The following HDAC5 variants were observed in gnomAD, a reference collection of about 807,000 sequenced individuals.
HDAC5 encodes antigen NY-CO-9.
In HDAC5, 25 loss-of-function variants were observed where a neutral mutation model predicts 133.3. The observed-to-expected ratio is 0.19, with a 90% CI of 0.14 to 0.26. The LOEUF (loss-of-function observed/expected upper bound fraction) is 0.26, where lower values mean the gene tolerates loss of function less well. HDAC5 is among the 10% of genes least tolerant of loss of function. The pLI, the probability that HDAC5 is intolerant of heterozygous loss-of-function variation, is 1.00. For missense variants in HDAC5, 1,041 were observed against 1,460.5 expected (o/e 0.71, Z 4.68); for synonymous variants, 589 against 610.8 (o/e 0.96, Z 0.53).
chr17:44,095,667 G>A (rs1221093277), intron 3 of HDAC5, among the ~76,000 whole-genome samples: 7 of 152,086 alleles, frequency 4.6e-5, no homozygotes, highest in South Asian at 2.1e-4. Flanking sequence ...TGAAAATGCC[G>A]CTATATATAG....
chr17:44,080,233 G>A lies in HDAC5; in HGVS notation c.2826-8C>T. 5.0e-6 allele frequency: 8 copies of A among 1,611,086 alleles called. No homozygotes were observed. Among genetic ancestry groups the A allele is most frequent in the Non-Finnish European group, 6.8e-6 (8 of 1,177,284 alleles). ...ATGGGCATCACCACTGTCCTGCAAA[G>A]GGATGGCTCAAGCTGAGCCCGGCAG... On this transcript the variant is annotated splice_polypyrimidine_tract_variant and splice_region_variant and intron_variant, in intron 22 of 26. Coordinates refer to ENST00000682912, the MANE Select transcript of HDAC5 (RefSeq NM_005474.5).
At position 44,085,131 on chromosome 17, in the gene HDAC5, A is replaced by C; in HGVS notation, c.2075T>G (p.Leu692Arg). 1 of 1,600,482 alleles carries C rather than the reference A, an allele frequency of 6.2e-7. No homozygotes were observed. Among genetic ancestry groups the C allele is most frequent in the Non-Finnish European group, 8.6e-7 (1 of 1,168,718 alleles). The change falls in exon 15 of 27, where the codon CTA becomes CGA. Residue 692 changes from leucine (L) to arginine (R), a missense_variant. Coordinates refer to ENST00000682912, the MANE Select transcript of HDAC5 (RefSeq NM_005474.5). Reference sequence around the variant, plus strand: ...GTTCCCGCACATGCACTGGTGCTTTAGCATGAACGTGTCGTAGACCACACC... The same window carrying C: ...GTTCCCGCACATGCACTGGTGCTTTCGCATGAACGTGTCGTAGACCACACC... ...TTGVVYDTFM[L>R]KHQCMCGNTH...
At chr17:44,092,954 AGGGATG>A (rs2143280755) in intron 6 of HDAC5, 132 bp downstream of exon 6, 2 of 667,198 alleles carry the variant, frequency 3.0e-6, no homozygotes, top group African/African-American at 3.6e-5. Context: ...GAAATAAACC[AGGGATG>A]GGGGTCCTGT....
At position 44,078,385 on chromosome 17, in the gene HDAC5, A is replaced by C. The variant is rs761831102; in HGVS notation, c.3360T>G (p.Pro1120=). The C allele has an allele frequency of 3.9e-6, 6 of 1,523,102 alleles. No homozygotes were observed. In the South Asian group the frequency reaches 7.9e-5, roughly 20 times the overall value. 94.3% of individuals were successfully genotyped at this position (1,523,102 alleles called of 1,614,324 possible). A position where few individuals can be genotyped will look rare whatever the true frequency, so the allele number is the denominator to read the frequency against. Residue 1120 remains proline, a synonymous_variant, in exon 27 of 27, where the codon CCT becomes CCG. Coordinates refer to ENST00000682912, the MANE Select transcript of HDAC5 (RefSeq NM_005474.5). The part of the protein sequence containing the change: ...RPAEEPMEQE[P]AL ...GATGGGGGCCGGGGCGTCACAGGGC[A>C]GGCTCCTGCTCCATGGGCTCCTCTG...
chr17:44,093,253 C>T, intron 5 of HDAC5, 47 bp from the exon 6 acceptor site: 1 of 1,587,484 alleles, frequency 6.3e-7, no homozygotes, highest in Middle Eastern at 1.7e-4. Flanking sequence ...GCCAGACCCC[C>T]CATGGCAGGG....
chr17:44,104,107 G>A (rs2051786158), intron 3 of HDAC5, among the ~76,000 whole-genome samples: 1 of 151,380 alleles, frequency 6.6e-6, no homozygotes, highest in African/African-American at 2.4e-5. Flanking sequence ...GATCACTTGA[G>A]GTCAGGATTT....
At chr17:44,093,947 C>T in intron 3 of HDAC5, 113 bp from the exon 4 acceptor site, 3 of 1,331,888 alleles carry the variant, frequency 2.3e-6, no homozygotes, top group Non-Finnish European at 2.9e-6. Context: ...AGAACAGAGA[C>T]AGAGAGGAAG....
intron 2 of HDAC5, among the ~76,000 whole-genome samples, chr17:44,114,833 G>A (rs2052557947): frequency 6.6e-6 from 1 of 152,154 alleles, no homozygotes; most frequent in Non-Finnish European, 1.5e-5. Context: ...ACCCCCTTTT[G>A]CCGGAAGAAA....
chr17:44,105,084 G>C (rs2051850447), intron 3 of HDAC5, among the ~76,000 whole-genome samples: 1 of 152,150 alleles, frequency 6.6e-6, no homozygotes, highest in Non-Finnish European at 1.5e-5. Context: ...CTGGCTCTCT[G>C]TCTTCTCCCC....
In HDAC5 at chr17:44,088,525, G is replaced by A. The variant is rs1022609057; in HGVS notation, c.1461C>T (p.Leu487=). Residue 487 remains leucine, a synonymous_variant, in exon 12 of 27, where the codon CTC becomes CTT. Coordinates refer to ENST00000682912, the MANE Select transcript of HDAC5 (RefSeq NM_005474.5). ...TGCGGCTCAGGGGCCGATGCCGCGG[G>A]AGCTTGCCTACCGTCCGCATGCTGG... ...VATSMRTVGK[L]PRHRPLSRTQ... 4 of 1,613,406 alleles carry A rather than the reference G, an allele frequency of 2.5e-6. No homozygotes were observed. In the African/African-American group the frequency reaches 4.0e-5, roughly 16 times the overall value.
At chr17:44,119,402 A>T (rs1468972137) in intron 1 of HDAC5, among the ~76,000 whole-genome samples, 1 of 152,230 alleles carries the variant, frequency 6.6e-6, no homozygotes, top group Non-Finnish European at 1.5e-5. Context: ...GAAGGGGCAC[A>T]GCCCCAGTGG....
In HDAC5 at chr17:44,078,253, G is replaced by T; in HGVS notation, c.*123C>A. On this transcript the variant is annotated 3_prime_UTR_variant, in exon 27 of 27. Transcript: ENST00000682912. ...TGGGGGCCTGAGGCAGCGTAGAGGAGCAGGAGGGGCAAGGCTGAGAGACCC... is the reference window on the plus strand; with the variant it reads ...TGGGGGCCTGAGGCAGCGTAGAGGATCAGGAGGGGCAAGGCTGAGAGACCC... 9.7e-7 allele frequency: 1 copy of T among 1,035,792 alleles called. No homozygotes were observed. The allele number at this position is 1,035,792 out of a possible 1,614,324, so 64.2% of individuals were successfully genotyped here.
chr17:44,109,389 C>T (rs568407418), intron 3 of HDAC5, among the ~76,000 whole-genome samples: 25 of 152,242 alleles, frequency 1.6e-4, no homozygotes, highest in African/African-American at 6.0e-4. Flanking sequence ...CCCAGGCATA[C>T]GCCCCTACCT....
chr17:44,089,058 C>G (rs1364201745), intron 11 of HDAC5, among the ~76,000 whole-genome samples: 1 of 152,018 alleles, frequency 6.6e-6, no homozygotes, highest in African/African-American at 2.4e-5. Context: ...AGCCCTGGTA[C>G]TTAAGGGCTG....
At position 44,083,852 on chromosome 17, in the gene HDAC5, G is replaced by A. The variant is rs376736907; in HGVS notation, c.2308C>T (p.Pro770Ser). 2.5e-6 allele frequency: 4 copies of A among 1,613,902 alleles called. No individual in the cohort carries two copies. Among genetic ancestry groups the A allele is most frequent in the Non-Finnish European group, 8.5e-7 (1 of 1,179,870 alleles). The change falls in exon 17 of 27, where the codon CCC (proline) becomes TCC (serine). Residue 770 changes from proline (P) to serine (S), a missense_variant and splice_region_variant. Pro to Ser is a moderately conservative substitution (Grantham distance 74). Coordinates refer to ENST00000682912, the MANE Select transcript of HDAC5 (RefSeq NM_005474.5). ...QKLDSKKLLG[P>S]ISQKMYAVLP... ...ACAGCATACATCTTCTGGCTGATGG[G>A]GCCTGCATGGAAGAGGAATAGAGCT...
Position 44,093,626 on chromosome 17 carries a change from C to T in HDAC5, c.303G>A (p.Gln101=), listed in dbSNP as rs768733561. Residue 101 remains glutamine (Q), a synonymous_variant, in exon 4 of 27, where the codon CAG becomes CAA. Coordinates refer to ENST00000682912, the MANE Select transcript of HDAC5 (RefSeq NM_005474.5). ...CATGCTGCCTTGTCAGGTGGTCATG[C>T]TGTTTCTGGAACTCAGCGAACAGGA... ...KQLLFAEFQK[Q]HDHLTRQHEV... is the part of the protein sequence containing the mutation. The T allele has an allele frequency of 6.2e-7, 1 of 1,612,634 alleles. No individual in the cohort carries two copies. The highest frequency in any genetic ancestry group is 1.1e-5 in the South Asian group (1 of 91,000).
intron 3 of HDAC5, among the ~76,000 whole-genome samples, chr17:44,099,472 G>A (rs541049832): frequency 7.9e-4 from 120 of 151,416 alleles, no homozygotes; most frequent in African/African-American, 2.7e-3. Flanking sequence ...TGTGTGTTTC[G>A]TTTTTTCTTT....
chr17:44,083,517 G>A (rs773586803), intron 18 of HDAC5, 28 bp downstream of exon 18: 1 of 1,546,636 alleles, frequency 6.5e-7, no homozygotes, highest in Non-Finnish European at 8.9e-7. Context: ...CATGCCAAGG[G>A]GCACCGAGGT....
chr17:44,080,395 C>T lies in HDAC5; in HGVS notation c.2825+6G>A. On this transcript the variant is annotated splice_donor_region_variant and intron_variant, in intron 22 of 26. Coordinates refer to ENST00000682912, the MANE Select transcript of HDAC5 (RefSeq NM_005474.5). ...ACTGACTACCATGGCCCTTTTCAGT[C>T]CCTACCTGAAGGCTGTAAGGTACTC... 6.2e-7 allele frequency: 1 copy of T among 1,613,156 alleles called. No homozygotes were observed. The highest frequency in any genetic ancestry group is 1.1e-5 in the South Asian group (1 of 91,066).
Sources: allele counts gnomAD v4.1 joint callset (sites outside exome capture counted in the v4.1 genomes callset), GRCh38; gene constraint gnomAD v4.1.1; transcripts MANE v1.5; gene names NCBI Gene and HGNC (gene_info 2026-07-23, HGNC 2026-07-21).